Variants in RYR3 observed in about 807,000 individuals in gnomAD.
The protein encoded by RYR3 is brain ryanodine receptor-calcium release channel.
A neutral mutation model predicts 584.3 loss-of-function variants in RYR3; 207 were observed. The ratio of observed to expected loss-of-function variants is 0.35; its 90% CI spans 0.32 to 0.40. The LOEUF is 0.40. RYR3 is among the 10% of genes least tolerant of loss of function. The pLI, the probability that RYR3 is intolerant of heterozygous loss-of-function variation, is 1.00. For synonymous variants in RYR3, 2,416 were observed against 2,248.5 expected (o/e 1.07, Z -2.11); for missense variants, 5,616 against 6,089.2 (o/e 0.92, Z 2.59).
At chr15:33,606,019 A>C (rs2152559839) in intron 18 of RYR3, among the ~76,000 whole-genome samples, 1 of 152,306 alleles carries the variant, frequency 6.6e-6, no homozygotes, top group Admixed American at 6.5e-5. Flanking sequence ...TCTTTAACAT[A>C]CTTATTAAAG....
chr15:33,559,738 C>A (rs1483110365), intron 10 of RYR3, among the ~76,000 whole-genome samples: 1 of 152,066 alleles, frequency 6.6e-6, no homozygotes, highest in African/African-American at 2.4e-5. Context: ...GCAGCTGAGC[C>A]CTTTGCTGCC....
At chr15:33,348,896 C>T (rs1165997976) in intron 1 of RYR3, among the ~76,000 whole-genome samples, 3 of 152,056 alleles carry the variant, frequency 2.0e-5, no homozygotes, top group Non-Finnish European at 4.4e-5. Context: ...AATAGTTTAT[C>T]ACCCTAAAAA....
At chr15:33,857,111 G>A (rs1358085020) in intron 98 of RYR3, among the ~76,000 whole-genome samples, 4 of 152,000 alleles carry the variant, frequency 2.6e-5, no homozygotes, top group Non-Finnish European at 5.9e-5. Context: ...TTTTACTTAC[G>A]CCCAATCTAA....
At chr15:33,631,328 A>G (rs772772952) in intron 23 of RYR3, 35 bp downstream of exon 23, 1 of 1,360,474 alleles carries the variant, frequency 7.4e-7, no homozygotes. Flanking sequence ...TCAAGACTTT[A>G]ATGCTTCAGC....
intron 67 of RYR3, 111 bp downstream of exon 67, chr15:33,788,569 A>G (rs1376524272): frequency 7.3e-6 from 9 of 1,235,042 alleles, no homozygotes; most frequent in Admixed American, 5.3e-5. Flanking sequence ...AAAGGAGGCG[A>G]TAGCCGCCCC....
intron 1 of RYR3, among the ~76,000 whole-genome samples, chr15:33,364,963 A>G (rs969782622): frequency 2.0e-5 from 3 of 152,228 alleles, no homozygotes; most frequent in African/African-American, 4.8e-5. Context: ...AAGAAGGTAT[A>G]TAAGAACAGC....
intron 12 of RYR3, among the ~76,000 whole-genome samples, chr15:33,568,154 G>T (rs7170917): frequency 0.16 from 24,321 of 152,136 alleles, 3,179 homozygotes; most frequent in African/African-American, 0.36. Context: ...TAGGGCTGGG[G>T]TGTCTTGGGG....
intron 65 of RYR3, among the ~76,000 whole-genome samples, chr15:33,780,697 T>A (rs2074332306): frequency 6.6e-6 from 1 of 152,132 alleles, no homozygotes; most frequent in South Asian, 2.1e-4. Flanking sequence ...CAGAGTGGTA[T>A]CAGAAGGTGC....
chr15:33,713,659 C>G (rs1199559708), intron 43 of RYR3, among the ~76,000 whole-genome samples: 1 of 152,134 alleles, frequency 6.6e-6, no homozygotes, highest in Non-Finnish European at 1.5e-5. Flanking sequence ...TTCAGGCTGC[C>G]ATAACAAAAT....
chr15:33,431,583 C>T lies in RYR3; in HGVS notation c.52-41836C>T, dbSNP rs75257745. On this transcript the variant is annotated intron_variant, in intron 1 of 103. Transcript: ENST00000634891. ...TTTGAGACCAGCTTGGGCAACATGGCAAGATTCCCTCTGCAAAAAAAAATA... is the reference window on the plus strand; with the variant it reads ...TTTGAGACCAGCTTGGGCAACATGGTAAGATTCCCTCTGCAAAAAAAAATA... Among the ~76,000 whole-genome samples the T allele has an allele frequency of 3.4e-3, 516 of 151,838 alleles. 1 individual carries two copies. The highest frequency in any genetic ancestry group is 0.012 in the African/African-American group (495 of 41,408).
intron 2 of RYR3, among the ~76,000 whole-genome samples, chr15:33,485,310 C>G (rs2050316234): frequency 6.6e-6 from 1 of 152,118 alleles, no homozygotes; most frequent in African/African-American, 2.4e-5. Flanking sequence ...AAAATAAAGA[C>G]AACCAATGAG....
Position 33,636,456 on chromosome 15 carries a change from G to T in RYR3, c.3462G>T (p.Leu1154=), listed in dbSNP as rs1265695590. The stretch of plus-strand genomic sequence containing the variant: ...ATGTGGTCGGATGTATGATTAACCT[G>T]GATGATGCTTCAATGATCTTCACAC... ...PGDVVGCMIN[L]DDASMIFTLN... The change falls in exon 27 of 104, where the codon CTG becomes CTT. Residue 1154 remains leucine, a synonymous_variant. Transcript: ENST00000634891. 4 of 1,613,732 alleles carry T rather than the reference G, an allele frequency of 2.5e-6. No individual in the cohort carries two copies. The highest frequency in any genetic ancestry group is 3.4e-6 in the Non-Finnish European group (4 of 1,179,780).
chr15:33,547,013 C>T (rs1416384684), intron 8 of RYR3, among the ~76,000 whole-genome samples: 1 of 152,114 alleles, frequency 6.6e-6, no homozygotes, highest in Non-Finnish European at 1.5e-5. Flanking sequence ...CAGAAAGTGG[C>T]TGGATTCAGT....
intron 1 of RYR3, among the ~76,000 whole-genome samples, chr15:33,428,504 T>C (rs1231696061): frequency 6.6e-6 from 1 of 152,188 alleles, no homozygotes; most frequent in African/African-American, 2.4e-5. Flanking sequence ...CAAAATACCT[T>C]AGACCTACAT....
chr15:33,667,527 C>G (rs779140393), intron 36 of RYR3, among the ~76,000 whole-genome samples: 7 of 152,144 alleles, frequency 4.6e-5, no homozygotes, highest in Admixed American at 1.3e-4. Flanking sequence ...CTTACTACTT[C>G]AAGACCACAG....
At chr15:33,334,235 G>C (rs568060424) in intron 1 of RYR3, among the ~76,000 whole-genome samples, 1 of 152,156 alleles carries the variant, frequency 6.6e-6, no homozygotes, top group East Asian at 1.9e-4. Context: ...GCAATCCTAA[G>C]CAAAAGGAAC....
At chr15:33,735,867 G>A (rs923789380) in intron 48 of RYR3, among the ~76,000 whole-genome samples, 1 of 152,194 alleles carries the variant, frequency 6.6e-6, no homozygotes, top group African/African-American at 2.4e-5. Flanking sequence ...CTCAACGCCA[G>A]TTTCTCCCTC....
chr15:33,456,979 GT>G (rs2047614877), intron 1 of RYR3, among the ~76,000 whole-genome samples: 1 of 152,106 alleles, frequency 6.6e-6, no homozygotes, highest in South Asian at 2.1e-4. Context: ...CTAGAATTTT[GT>G]TTGTGTTCGA....
At chr15:33,342,524 TC>T (rs1483750009) in intron 1 of RYR3, among the ~76,000 whole-genome samples, 3 of 152,216 alleles carry the variant, frequency 2.0e-5, no homozygotes. Flanking sequence ...AGGTAGGGTT[TC>T]CATAACCTGC....
Sources: gnomAD v4.1 joint callset for allele counts (sites outside exome capture counted in the v4.1 genomes callset) on GRCh38, gnomAD v4.1.1 for gene constraint, MANE v1.5 for transcripts, NCBI Gene and HGNC (gene_info 2026-07-23, HGNC 2026-07-21) for gene names.